The following CFAP54 variants were observed in gnomAD, a reference collection of about 807,000 sequenced individuals.
The protein encoded by CFAP54 is cilia- and flagella-associated protein 54.
A neutral mutation model predicts 370.4 loss-of-function variants in CFAP54; 290 were observed. The observed-to-expected ratio is 0.78, with a 90% confidence interval of 0.71 to 0.86. The LOEUF (loss-of-function observed/expected upper bound fraction) is 0.86. Ranked by LOEUF, CFAP54 falls within the 40% of genes least tolerant of loss-of-function variation. CFAP54 has a pLI of 0.00. For missense variants in CFAP54, 3,399 were observed against 3,528.7 expected, an observed-to-expected ratio of 0.96 and a Z score of 0.93; for synonymous variants, 1,206 against 1,236.5, an observed-to-expected ratio of 0.98 and a Z score of 0.52.
chr12:96,751,274 G>A (rs967809434), intron 55 of CFAP54, among the ~76,000 whole-genome samples: 3 of 152,052 alleles, frequency 2.0e-5, no homozygotes, highest in African/African-American at 7.2e-5. Flanking sequence ...GGGAAGTGGG[G>A]ACATACTAGG....
chr12:96,547,152 A>G (rs1261561950), intron 14 of CFAP54, among the ~76,000 whole-genome samples: 3 of 152,110 alleles, frequency 2.0e-5, no homozygotes, highest in Non-Finnish European at 4.4e-5. Context: ...CCAAATTGAT[A>G]GGGTTTCTAT....
In CFAP54 at chr12:96,489,765, C is replaced by T. The variant is rs1954855972; in HGVS notation, c.156C>T (p.Pro52=). The change falls in exon 1 of 68, where the codon CCC becomes CCT. Residue 52 remains proline, a synonymous_variant. Coordinates refer to ENST00000524981, the MANE Select transcript of CFAP54 (RefSeq NM_001306084.2). Reference sequence around the variant, plus strand: ...GCTCGCTGCTTCAGTGGACCTGCCCCGAGGACTCATTGCCCCTAGCCGTGT... The same window carrying T: ...GCTCGCTGCTTCAGTGGACCTGCCCTGAGGACTCATTGCCCCTAGCCGTGT... ...SRSSLLQWTC[P]EDSLPLAVFY... 6.5e-7 allele frequency: 1 copy of T among 1,535,992 alleles called. No individual in the cohort carries two copies.
chr12:96,523,972 G>A (rs1955347762), intron 8 of CFAP54, among the ~76,000 whole-genome samples: 2 of 151,502 alleles, frequency 1.3e-5, no homozygotes, highest in African/African-American at 4.9e-5. Context: ...TTGTTTCAGA[G>A]GCTAGTCAAC....
intron 32 of CFAP54, among the ~76,000 whole-genome samples, chr12:96,639,490 T>C (rs1956700738): frequency 6.6e-6 from 1 of 152,200 alleles, no homozygotes; most frequent in Non-Finnish European, 1.5e-5. Context: ...AGCCGAATTC[T>C]ACCAGAGGTA....
At position 96,519,090 on chromosome 12, in the gene CFAP54, C is replaced by T. The variant is rs1955273978; in HGVS notation, c.942+19C>T. ...CGGAGAGGTATGCTGCTTTTTAACT[C>T]TGAGGAGTCGAGTTTTTTTTTTTTT... On this transcript the variant is annotated intron_variant, in intron 6 of 67. Transcript: ENST00000524981. 6 of 1,501,558 alleles carry T rather than the reference C, an allele frequency of 4.0e-6. No homozygotes were observed. Among genetic ancestry groups the T allele is most frequent in the Non-Finnish European group, 5.3e-6 (6 of 1,132,338 alleles). 93.0% of individuals were successfully genotyped at this position (1,501,558 alleles called of 1,614,324 possible).
At chr12:96,505,252 T>C (rs1356289532) in intron 3 of CFAP54, among the ~76,000 whole-genome samples, 4 of 151,650 alleles carry the variant, frequency 2.6e-5, no homozygotes, top group Non-Finnish European at 5.9e-5. Context: ...TTAGTAGAGA[T>C]GGGGTTTCAC....
chr12:96,806,751 C>T (rs1287480730), intron 63 of CFAP54, among the ~76,000 whole-genome samples: 1 of 152,124 alleles, frequency 6.6e-6, no homozygotes, highest in Admixed American at 6.6e-5. Flanking sequence ...GTTGACCATG[C>T]AATTAGCTGG....
chr12:96,511,595 G>T (rs571172653), intron 4 of CFAP54, among the ~76,000 whole-genome samples: 1 of 152,196 alleles, frequency 6.6e-6, no homozygotes, highest in South Asian at 2.1e-4. Context: ...TGGGATTACA[G>T]GTGTGAGACA....
intron 1 of CFAP54, among the ~76,000 whole-genome samples, chr12:96,493,667 G>A (rs1234051521): frequency 6.6e-6 from 1 of 152,070 alleles, no homozygotes; most frequent in Non-Finnish European, 1.5e-5. Context: ...GCGTGGTGGT[G>A]GGCGCCTGTA....
chr12:96,749,779 C>G (rs1958162755), intron 55 of CFAP54, among the ~76,000 whole-genome samples: 1 of 152,156 alleles, frequency 6.6e-6, no homozygotes, highest in Non-Finnish European at 1.5e-5. Flanking sequence ...TATTTTACTA[C>G]TGCCACCTTT....
chr12:96,705,622 A>G (rs748589372), intron 47 of CFAP54, among the ~76,000 whole-genome samples: 1 of 152,178 alleles, frequency 6.6e-6, no homozygotes, highest in African/African-American at 2.4e-5. Context: ...TTTTTGGTAT[A>G]AAAAGAATGT....
intron 63 of CFAP54, among the ~76,000 whole-genome samples, chr12:96,798,630 A>C (rs373556439): frequency 1.3e-5 from 2 of 152,158 alleles, no homozygotes; most frequent in African/African-American, 4.8e-5. Context: ...CATCTCTGCC[A>C]CTTAACAGTT....
chr12:96,530,847 A>G (rs1229144004), intron 9 of CFAP54, among the ~76,000 whole-genome samples: 7 of 152,230 alleles, frequency 4.6e-5, no homozygotes, highest in Admixed American at 1.3e-4. Flanking sequence ...TTGGTGTATC[A>G]TTACTTTTTT....
At chr12:96,512,534 G>A (rs944601006) in intron 4 of CFAP54, among the ~76,000 whole-genome samples, 21 of 151,490 alleles carry the variant, frequency 1.4e-4, no homozygotes, top group African/African-American at 5.1e-4. Flanking sequence ...GTAGAAACGG[G>A]GTTTTACCAT....
At position 96,630,145 on chromosome 12, in the gene CFAP54, T is replaced by C; in HGVS notation, c.4156T>C (p.Leu1386=). The change falls in exon 31 of 68, where the codon TTG becomes CTG. Residue 1386 remains leucine, a synonymous_variant. Coordinates refer to ENST00000524981, the MANE Select transcript of CFAP54 (RefSeq NM_001306084.2). Reference sequence around the variant, plus strand: ...AAAAGTGAAATATAAGGATAGTGCTTTGAATAAAAAAGCAAACAAATCTTT... The same window carrying C: ...AAAAGTGAAATATAAGGATAGTGCTCTGAATAAAAAAGCAAACAAATCTTT... The part of the protein sequence containing the change: ...LIKVKYKDSA[L]NKKANKSLKF... 6.7e-7 allele frequency: 1 copy of C among 1,503,094 alleles called. No homozygotes were observed. The highest frequency in any genetic ancestry group is 1.2e-5 in the South Asian group (1 of 82,818). 93.1% of individuals were successfully genotyped at this position (1,503,094 alleles called of 1,614,324 possible).
intron 60 of CFAP54, among the ~76,000 whole-genome samples, chr12:96,768,679 T>C (rs186162814): frequency 7.6e-4 from 114 of 150,788 alleles, no homozygotes; most frequent in Middle Eastern, 6.9e-3. Context: ...CAAAGCAAAA[T>C]AAAACAAAAC....
chr12:96,507,070 A>T lies in CFAP54; in HGVS notation c.710A>T (p.Gln237Leu). 1 of 1,533,738 alleles carries T rather than the reference A, an allele frequency of 6.5e-7. No individual in the cohort carries two copies. Among genetic ancestry groups the T allele is most frequent in the Non-Finnish European group, 8.7e-7 (1 of 1,146,244 alleles). Residue 237 changes from glutamine to leucine, a missense_variant, in exon 4 of 68, where the codon CAA (glutamine) becomes CTA (leucine). Transcript: ENST00000524981. Reference sequence around the variant, plus strand: ...CTCATCATGCAAGTGGCTCTGCCACAAGAGCATCTTTGCTGGATTATCTTC... The same window carrying T: ...CTCATCATGCAAGTGGCTCTGCCACTAGAGCATCTTTGCTGGATTATCTTC... ...LRLIMQVALP[Q>L]EHLCWIIFNG... is the part of the protein sequence containing the mutation.
intron 45 of CFAP54, among the ~76,000 whole-genome samples, chr12:96,697,889 A>G (rs920277827): frequency 3.3e-5 from 5 of 152,112 alleles, no homozygotes; most frequent in African/African-American, 1.2e-4. Flanking sequence ...GTTCTACTTG[A>G]CCTTTCTTGG....
At chr12:96,720,914 G>T (rs956188665) in intron 50 of CFAP54, among the ~76,000 whole-genome samples, 3 of 151,990 alleles carry the variant, frequency 2.0e-5, no homozygotes, top group Non-Finnish European at 4.4e-5. Context: ...CAGCTACTCG[G>T]GAGGCTAAGG....
Sources: gnomAD v4.1 joint callset for allele counts (sites outside exome capture counted in the v4.1 genomes callset) on GRCh38, gnomAD v4.1.1 for gene constraint, MANE v1.5 for transcripts, NCBI Gene and HGNC (gene_info 2026-07-23, HGNC 2026-07-21) for gene names.